MAP3K13: variants seen among roughly 807,000 people sequenced by gnomAD.
MAP3K13 encodes the protein mitogen-activated protein kinase kinase kinase 13, also known as leucine zipper-bearing kinase.
A neutral mutation model predicts 104.0 loss-of-function variants in MAP3K13; 52 were observed. The ratio of observed to expected loss-of-function variants is 0.50; its 90% CI spans 0.40 to 0.63. The LOEUF (loss-of-function observed/expected upper bound fraction) is 0.63, where lower values mean the gene tolerates loss of function less well. Among genes scored for constraint, MAP3K13 ranks in the 20% least tolerant of loss-of-function variants. The probability of loss-of-function intolerance (pLI) is 0.00; values close to 1 mark genes in which losing one functional copy is unlikely to be tolerated. For synonymous variants in MAP3K13, 394 were observed against 442.2 expected (o/e 0.89, Z 1.37); for missense variants, 914 against 1,218.5 (o/e 0.75, Z 3.72).
In MAP3K13 at chr3:185,418,917, C is replaced by A; in HGVS notation, c.-85-9580C>A. 1.0e-6 allele frequency: 1 copy of A among 956,452 alleles called. No homozygotes were observed. The highest frequency in any genetic ancestry group is 1.5e-6 in the Non-Finnish European group (1 of 661,468). The allele number at this position is 956,452 out of a possible 1,614,324, so 59.2% of individuals were successfully genotyped here. On this transcript the variant is annotated intron_variant, in intron 1 of 13. Transcript: ENST00000265026. This position sits in a 1 kb window ranked among gnomAD's most constrained non-coding sequence, Gnocchi z 4.5. ...GCCTTTTCTAGAATCAAATGTGAAT[C>A]TCATTAGTAGAAAAGGTAAAAACAA...
intron 1 of MAP3K13, among the ~76,000 whole-genome samples, chr3:185,395,114 T>C (rs1407310711): frequency 6.6e-6 from 1 of 152,126 alleles, no homozygotes; most frequent in Non-Finnish European, 1.5e-5. Context: ...ATGTAGTTTT[T>C]TCAATATAAT....
At chr3:185,404,598 A>G (rs528041942) in intron 1 of MAP3K13, among the ~76,000 whole-genome samples, 117 of 152,294 alleles carry the variant, frequency 7.7e-4, no homozygotes, top group Non-Finnish European at 1.5e-3. Flanking sequence ...TTTTTTCAAG[A>G]TAGAATCTTG....
intron 2 of MAP3K13, among the ~76,000 whole-genome samples, chr3:185,314,794 C>T (rs1282515031): frequency 6.6e-6 from 1 of 152,114 alleles, no homozygotes. Flanking sequence ...CACACCACCA[C>T]ATCCAGCTAA....
chr3:185,404,060 G>A (rs1712968065), intron 1 of MAP3K13, among the ~76,000 whole-genome samples: 1 of 152,188 alleles, frequency 6.6e-6, no homozygotes, highest in African/African-American at 2.4e-5. Flanking sequence ...CAGTGCCTAG[G>A]CACTCAGCAA....
intron 1 of MAP3K13, among the ~76,000 whole-genome samples, chr3:185,367,022 T>TAA (rs1723922914): frequency 6.6e-6 from 1 of 152,252 alleles, no homozygotes; most frequent in African/African-American, 2.4e-5. Context: ...CATAAAGATT[T>TAA]ACTTCTATGT....
At chr3:185,330,364 G>T (rs537919784) in intron 2 of MAP3K13, among the ~76,000 whole-genome samples, 2 of 151,878 alleles carry the variant, frequency 1.3e-5, no homozygotes, top group Non-Finnish European at 2.9e-5. Context: ...AGATCATGGT[G>T]CTGGGCCCCA....
chr3:185,316,831 C>T lies in MAP3K13; in HGVS notation c.-86+31188C>T, dbSNP rs543732023. On this transcript the variant is annotated intron_variant, in intron 2 of 14. Coordinates refer to the MAP3K13 transcript ENST00000424227. ...TTATATGTGGCATTAGTATCCCATC[C>T]TAAATTGGAGACGATAGGGATAGGA... 4.6e-5 allele frequency among the ~76,000 whole-genome samples: 7 copies of T among 152,126 alleles called. No individual in the cohort carries two copies. In the South Asian group the frequency reaches 1.5e-3, roughly 32 times the overall value.
intron 2 of MAP3K13, among the ~76,000 whole-genome samples, chr3:185,430,887 A>G (rs1211151632): frequency 1.3e-5 from 2 of 152,208 alleles, no homozygotes; most frequent in African/African-American, 4.8e-5. Flanking sequence ...GATCTACCTG[A>G]GACTGGGTAA....
chr3:185,455,241 T>TG (rs1417074365), intron 7 of MAP3K13, among the ~76,000 whole-genome samples: 4 of 46,544 alleles, frequency 8.6e-5, no homozygotes, highest in African/African-American at 2.0e-4. Flanking sequence ...ATGAGATATA[T>TG]ATATGATATA....
chr3:185,333,058 A>G (rs1467836215), intron 2 of MAP3K13, among the ~76,000 whole-genome samples: 1 of 152,238 alleles, frequency 6.6e-6, no homozygotes, highest in Non-Finnish European at 1.5e-5. Context: ...CATATTTAAA[A>G]TAAATGCCTT....
At chr3:185,316,629 G>A (rs1287176941) in intron 2 of MAP3K13, among the ~76,000 whole-genome samples, 1 of 152,122 alleles carries the variant, frequency 6.6e-6, no homozygotes, top group Non-Finnish European at 1.5e-5. Flanking sequence ...TGACAGACCT[G>A]TCTCAAAAAA....
Position 185,485,743 on chromosome 3 carries a change from A to G in MAP3K13, c.*3287A>G, listed in dbSNP as rs570711353. On this transcript the variant is annotated 3_prime_UTR_variant, in exon 14 of 14. Coordinates refer to ENST00000265026, the MANE Select transcript of MAP3K13 (RefSeq NM_004721.5). ...AAGTATAGAAAAAAAAACATAGTAT[A>G]TATAGGGTTTGGTACTATCAGAGTT... is the stretch of plus-strand genomic sequence containing the variant. 1 of 152,264 alleles carries G rather than the reference A, an allele frequency of 6.6e-6. No homozygotes were observed. Among genetic ancestry groups the G allele is most frequent in the Admixed American group, 6.5e-5 (1 of 15,276 alleles). The allele number at this position is 152,264 out of a possible 1,614,324, so 9.4% of individuals were successfully genotyped here.
intron 7 of MAP3K13, among the ~76,000 whole-genome samples, chr3:185,455,864 TGAGATATAGATGA>T (rs1560121105): frequency 5.9e-4 from 37 of 63,088 alleles, no homozygotes; most frequent in Middle Eastern, 0.014. Flanking sequence ...GAGATATATA[TGAGATATAGATGA>T]GATATATGAT....
intron 2 of MAP3K13, among the ~76,000 whole-genome samples, chr3:185,342,069 G>A (rs760909572): frequency 9.2e-5 from 14 of 152,130 alleles, no homozygotes; most frequent in Non-Finnish European, 1.6e-4. Context: ...AGGCCCACGT[G>A]ACAAGTAACC....
intron 11 of MAP3K13, among the ~76,000 whole-genome samples, chr3:185,475,452 T>G (rs1044569289): frequency 7.2e-5 from 11 of 152,284 alleles, no homozygotes; most frequent in African/African-American, 2.6e-4. Flanking sequence ...CAACTAGGCA[T>G]TGAGTAGAAA....
At chr3:185,474,066 T>C (rs1717968941) in intron 11 of MAP3K13, among the ~76,000 whole-genome samples, 2 of 152,198 alleles carry the variant, frequency 1.3e-5, no homozygotes, top group African/African-American at 2.4e-5. Context: ...CTCACGCCTA[T>C]AATCCCAGCA....
chr3:185,413,143 T>C (rs1192727716), intron 1 of MAP3K13, among the ~76,000 whole-genome samples: 2 of 152,242 alleles, frequency 1.3e-5, no homozygotes, highest in Non-Finnish European at 2.9e-5. Context: ...GAATGAGCTA[T>C]ACTTAAATCA....
intron 2 of MAP3K13, chr3:185,292,559 T>C (rs1720781287): frequency 1.4e-6 from 1 of 691,078 alleles, no homozygotes; most frequent in Non-Finnish European, 1.8e-6. Context: ...CTCACAGGGT[T>C]GTTGTGAGGA....
chr3:185,445,415 A>G (rs1265434324), intron 4 of MAP3K13, among the ~76,000 whole-genome samples: 3 of 152,162 alleles, frequency 2.0e-5, no homozygotes, highest in African/African-American at 7.2e-5. Flanking sequence ...TTGCAAGTAA[A>G]CATGATTGTG....
Sources: gnomAD v4.1 joint callset for allele counts (sites outside exome capture counted in the v4.1 genomes callset) on GRCh38, gnomAD v4.1.1 for gene constraint, Gnocchi (gnomAD v3.1) non-coding constraint, MANE v1.5 for transcripts, NCBI Gene and HGNC (gene_info 2026-07-23, HGNC 2026-07-21) for gene names.